The following MYO1B variants were observed in gnomAD, a reference collection of about 807,000 sequenced individuals.
The protein encoded by MYO1B is myosin IB.
A neutral mutation model predicts 159.7 loss-of-function variants in MYO1B; 72 were observed. The ratio of observed to expected loss-of-function variants is 0.45; its 90% CI spans 0.37 to 0.55. MYO1B has a LOEUF of 0.55. Ranked by LOEUF, MYO1B falls within the 20% of genes least tolerant of loss-of-function variation. The pLI, the probability that MYO1B is intolerant of heterozygous loss-of-function variation, is 0.00. For missense variants in MYO1B, 1,062 were observed against 1,364.8 expected (o/e 0.78, Z 3.50); for synonymous variants, 468 against 473.8 (o/e 0.99, Z 0.16).
chr2:191,310,832 T>C, intron 3 of MYO1B, among the ~76,000 whole-genome samples: 1 of 152,226 alleles, frequency 6.6e-6, no homozygotes, highest in Middle Eastern at 3.2e-3. Context: ...TCAGACTTGT[T>C]AAATATGCCT....
chr2:191,258,125 A>G (rs1166693278), intron 1 of MYO1B, among the ~76,000 whole-genome samples: 1 of 152,232 alleles, frequency 6.6e-6, no homozygotes, highest in Non-Finnish European at 1.5e-5. Flanking sequence ...GTCATTGCGC[A>G]AACACCACAA....
At chr2:191,349,509 A>C (rs1692778737) in intron 6 of MYO1B, among the ~76,000 whole-genome samples, 1 of 152,242 alleles carries the variant, frequency 6.6e-6, no homozygotes, top group Non-Finnish European at 1.5e-5. Context: ...AGGCAATTAT[A>C]GACCAGTTCT....
chr2:191,303,562 G>C (rs1454754), intron 3 of MYO1B, among the ~76,000 whole-genome samples: 54,255 of 152,032 alleles, frequency 0.36, 10,161 homozygotes, highest in Middle Eastern at 0.52. Flanking sequence ...CAGGCACTGG[G>C]ATACAGCAGT....
intron 19 of MYO1B, 78 bp from the exon 20 acceptor site, chr2:191,392,995 G>T: frequency 1.5e-6 from 2 of 1,310,392 alleles, no homozygotes; most frequent in Non-Finnish European, 2.1e-6. Flanking sequence ...ATGGCATTTT[G>T]TCTCCTGAAA....
At chr2:191,399,698 C>G (rs954982571) in intron 21 of MYO1B, among the ~76,000 whole-genome samples, 3 of 152,186 alleles carry the variant, frequency 2.0e-5, no homozygotes, top group Non-Finnish European at 4.4e-5. Context: ...TGCCCAGGCC[C>G]TCGACAACTT....
intron 4 of MYO1B, 109 bp downstream of exon 4, chr2:191,330,138 G>A: frequency 1.2e-6 from 1 of 850,334 alleles, no homozygotes; most frequent in Non-Finnish European, 1.9e-6. Context: ...GGGCCACTGT[G>A]AGGGTGCTTC....
chr2:191,253,002 G>A (rs1284447638), intron 1 of MYO1B, among the ~76,000 whole-genome samples: 1 of 151,996 alleles, frequency 6.6e-6, no homozygotes, highest in Non-Finnish European at 1.5e-5. Context: ...TTAAAAGGCT[G>A]AGTTACTGGA....
intron 3 of MYO1B, among the ~76,000 whole-genome samples, chr2:191,315,821 A>G (rs1194116185): frequency 6.6e-6 from 1 of 152,270 alleles, no homozygotes; most frequent in Non-Finnish European, 1.5e-5. Context: ...ATAAGGATTT[A>G]GATTTAGGAA....
At chr2:191,345,641 G>A (rs539152689) in intron 5 of MYO1B, among the ~76,000 whole-genome samples, 2 of 152,206 alleles carry the variant, frequency 1.3e-5, no homozygotes, top group Non-Finnish European at 2.9e-5. Flanking sequence ...GTTTCACCTA[G>A]GTCTGATGTG....
At chr2:191,319,344 A>C (rs1437539502) in intron 3 of MYO1B, among the ~76,000 whole-genome samples, 2 of 152,122 alleles carry the variant, frequency 1.3e-5, no homozygotes, top group African/African-American at 4.8e-5. Context: ...TTGACCATAC[A>C]CAGTCCTCTC....
At position 191,364,273 on chromosome 2, in the gene MYO1B, T is replaced by C; in HGVS notation, c.1029T>C (p.Ala343=). The C allele has an allele frequency of 6.2e-7, 1 of 1,610,390 alleles. No homozygotes were observed. The highest frequency in any genetic ancestry group is 1.1e-5 in the South Asian group (1 of 90,994). ...QEKVSTTLNV[A]QAYYARDALA... is the part of the protein sequence containing the mutation. ...AAGTTTCAACTACACTGAATGTGGC[T>C]CAGGTGGGTGAAACATAATGTACAG... The change falls in exon 11 of 31, where the codon GCT becomes GCC. Residue 343 remains alanine, a synonymous_variant. Transcript: ENST00000392318.
chr2:191,354,260 A>AATG (rs1288383470), intron 7 of MYO1B, among the ~76,000 whole-genome samples: 4 of 44,160 alleles, frequency 9.1e-5, no homozygotes, highest in Admixed American at 2.5e-4. Flanking sequence ...CGTCTTAAAT[A>AATG]ATAATAATAA....
chr2:191,300,498 G>C (rs4853580), intron 3 of MYO1B, among the ~76,000 whole-genome samples: 80,364 of 151,546 alleles, frequency 0.53, 22,034 homozygotes, highest in East Asian at 0.65. Flanking sequence ...TGCCCGCCAC[G>C]ACGTCTGGCT....
intron 4 of MYO1B, among the ~76,000 whole-genome samples, chr2:191,339,419 T>G (rs1482288783): frequency 6.6e-6 from 1 of 152,250 alleles, no homozygotes; most frequent in Non-Finnish European, 1.5e-5. Context: ...ACCAGCTTTT[T>G]TCTAGATAAA....
intron 7 of MYO1B, among the ~76,000 whole-genome samples, chr2:191,354,255 TAAA>T (rs1260919837): frequency 9.6e-6 from 1 of 103,992 alleles, no homozygotes; most frequent in African/African-American, 3.7e-5. Flanking sequence ...GACTCCGTCT[TAAA>T]TAATAATAAT....
intron 1 of MYO1B, among the ~76,000 whole-genome samples, chr2:191,268,893 G>A (rs1687297337): frequency 6.6e-6 from 1 of 152,192 alleles, no homozygotes; most frequent in Non-Finnish European, 1.5e-5. Context: ...GCAGGCCTTG[G>A]CATCTTTGTG....
Position 191,267,294 on chromosome 2 carries a change from T to G in MYO1B, c.-9-9593T>G, listed in dbSNP as rs1448923676. 2.6e-5 allele frequency among the ~76,000 whole-genome samples: 4 copies of G among 152,216 alleles called. No homozygotes were observed. In the East Asian group the frequency reaches 7.7e-4, roughly 29 times the overall value. On this transcript the variant is annotated intron_variant, in intron 1 of 30. Transcript: ENST00000392318. ...TCATTGCCTGGTAATTTCATGTCCT[T>G]TGTATTAGCCAGAATTTGAACACAA...
chr2:191,296,257 C>G (rs1039887280), intron 3 of MYO1B, 31 bp downstream of exon 3: 2 of 1,350,960 alleles, frequency 1.5e-6, no homozygotes, highest in Non-Finnish European at 2.1e-6. Flanking sequence ...TTAAGTTTCT[C>G]TTTTACTCCA....
chr2:191,305,886 T>C (rs1229609310), intron 3 of MYO1B, among the ~76,000 whole-genome samples: 1 of 151,994 alleles, frequency 6.6e-6, no homozygotes, highest in Non-Finnish European at 1.5e-5. Flanking sequence ...GGATAAAGAA[T>C]AGGACTCTAG....
Sources: allele counts gnomAD v4.1 joint callset (sites outside exome capture counted in the v4.1 genomes callset), GRCh38; gene constraint gnomAD v4.1.1; transcripts MANE v1.5; gene names NCBI Gene and HGNC (gene_info 2026-07-23, HGNC 2026-07-21).